The following PTPRJ variants were observed in gnomAD, a reference collection of about 807,000 sequenced individuals.
PTPRJ encodes protein tyrosine phosphatase receptor type J, also known as receptor-type tyrosine-protein phosphatase eta.
PTPRJ carries 129 observed loss-of-function variants against 141.3 expected under a neutral mutation model. That is an observed-to-expected ratio of 0.91 (90% CI 0.79 to 1.06). The LOEUF is 1.06. Ranked by LOEUF, PTPRJ falls within the 50% of genes least tolerant of loss-of-function variation. The pLI is 0.00. For missense variants in PTPRJ, 1,601 were observed against 1,679.7 expected (o/e 0.95, Z 0.82); for synonymous variants, 610 against 640.5 (o/e 0.95, Z 0.72).
intron 7 of PTPRJ, among the ~76,000 whole-genome samples, chr11:48,129,809 C>T (rs968171484): frequency 2.0e-5 from 3 of 152,040 alleles, no homozygotes; most frequent in East Asian, 1.9e-4. Flanking sequence ...AGCCAGGCAG[C>T]GTGAGCTCCA....
At chr11:47,996,177 C>G (rs1447092871) in intron 1 of PTPRJ, among the ~76,000 whole-genome samples, 6 of 148,974 alleles carry the variant, frequency 4.0e-5, no homozygotes, top group Non-Finnish European at 4.5e-5. Context: ...ACTAAAAATA[C>G]AAAAAAAATT....
chr11:48,137,416 T>C, intron 10 of PTPRJ, 135 bp downstream of exon 10: 1 of 927,808 alleles, frequency 1.1e-6, no homozygotes, highest in Non-Finnish European at 1.6e-6. Context: ...CGAGGCATCC[T>C]GTTAGCTTAT....
chr11:48,049,734 A>G, intron 1 of PTPRJ, among the ~76,000 whole-genome samples: 2 of 151,172 alleles, frequency 1.3e-5, no homozygotes, highest in East Asian at 3.9e-4. Context: ...AAAAAAAAAA[A>G]GAATTGGTAC....
chr11:48,009,432 C>G (rs566670255), intron 1 of PTPRJ, among the ~76,000 whole-genome samples: 2 of 152,202 alleles, frequency 1.3e-5, no homozygotes, highest in Non-Finnish European at 2.9e-5. Flanking sequence ...CCCATCTCTA[C>G]TAAAAATACA....
Position 48,045,660 on chromosome 11 carries a change from G to T in PTPRJ, c.97-64398G>T, listed in dbSNP as rs58321258. ...GGCAGTGATGGGTGGAAGGGAGCTG[G>T]TGCAGTATTCGAGTAGAGAAGTTCT... is the stretch of plus-strand genomic sequence containing the variant. On this transcript the variant is annotated intron_variant, in intron 1 of 24. Transcript: ENST00000418331. 1.9e-3 allele frequency among the ~76,000 whole-genome samples: 288 copies of T among 152,294 alleles called. 2 individuals are homozygous for T. The highest frequency in any genetic ancestry group is 6.6e-3 in the African/African-American group (273 of 41,560).
chr11:48,146,639 C>T (rs147973281), intron 14 of PTPRJ, among the ~76,000 whole-genome samples: 44 of 152,248 alleles, frequency 2.9e-4, no homozygotes, highest in African/African-American at 9.9e-4. Context: ...TCAAGACCAT[C>T]CAGGTAGTAG....
At chr11:48,046,912 A>ATTTTTT (rs1217187387) in intron 1 of PTPRJ, among the ~76,000 whole-genome samples, 4 of 74,166 alleles carry the variant, frequency 5.4e-5, no homozygotes, top group African/African-American at 2.9e-4. Flanking sequence ...ATATATATAT[A>ATTTTTT]TTTTTTTTTT....
intron 1 of PTPRJ, among the ~76,000 whole-genome samples, chr11:48,067,097 G>C (rs1162041770): frequency 1.3e-5 from 2 of 152,316 alleles, no homozygotes; most frequent in Non-Finnish European, 1.5e-5. Context: ...GGGGAATACA[G>C]AAAAGAAGGA....
chr11:48,156,866 C>T (rs1053917810), intron 21 of PTPRJ, among the ~76,000 whole-genome samples: 8 of 151,560 alleles, frequency 5.3e-5, no homozygotes, highest in South Asian at 2.1e-4. Flanking sequence ...GGATTTCAGG[C>T]GTGAGCCATC....
At chr11:48,051,321 C>T (rs1326940378) in intron 1 of PTPRJ, among the ~76,000 whole-genome samples, 3 of 152,048 alleles carry the variant, frequency 2.0e-5, no homozygotes, top group Non-Finnish European at 2.9e-5. Flanking sequence ...TGTCGAACTC[C>T]TGGGCCCAAG....
chr11:48,112,309 A>G (rs1233065804), intron 2 of PTPRJ, among the ~76,000 whole-genome samples: 1 of 152,180 alleles, frequency 6.6e-6, no homozygotes, highest in Non-Finnish European at 1.5e-5. Context: ...AGGGCCAAAA[A>G]TCTCCAGGAG....
chr11:48,007,345 G>A (rs761745620), intron 1 of PTPRJ, among the ~76,000 whole-genome samples: 1 of 151,376 alleles, frequency 6.6e-6, no homozygotes, highest in African/African-American at 2.4e-5. Context: ...TCCTGACGTC[G>A]TGATCCGCCC....
Position 48,144,681 on chromosome 11 carries a change from A to G in PTPRJ, c.2582A>G (p.His861Arg), listed in dbSNP as rs1265678411. ...TTCTGTGTACCTTTCTTAGCTGGTC[A>G]CCCTTCTGCAGATGTCCTGAAATAC... The part of the protein sequence containing the change: ...AVILTTGEAG[H>R]PSADVLKYTY... The change falls in exon 13 of 25, where the codon CAC (histidine) becomes CGC (arginine). Residue 861 changes from histidine to arginine, a missense_variant. Coordinates refer to ENST00000418331, the MANE Select transcript of PTPRJ (RefSeq NM_002843.4). 6.2e-7 allele frequency: 1 copy of G among 1,613,354 alleles called. No homozygotes were observed. The highest frequency in any genetic ancestry group is 1.7e-5 in the Admixed American group (1 of 59,996).
At chr11:48,018,678 C>T (rs1055695764) in intron 1 of PTPRJ, among the ~76,000 whole-genome samples, 2 of 152,096 alleles carry the variant, frequency 1.3e-5, no homozygotes, top group Non-Finnish European at 2.9e-5. Context: ...GGGGGAGGGG[C>T]GTCGGGGCCC....
In PTPRJ at chr11:47,980,962, T is replaced by TG; in HGVS notation, c.51dup (p.Arg18AlafsTer24). On this transcript the variant is annotated frameshift_variant, in exon 1 of 25. Coordinates refer to ENST00000418331, the MANE Select transcript of PTPRJ (RefSeq NM_002843.4). LOFTEE classifies it high-confidence loss of function. ...CGGCTGCCTCCGCGCTCGCCCGGGCTGCGCTGGGCGCTGCCGCTGCTGCTG... is the reference window on the plus strand; with the variant it reads ...CGGCTGCCTCCGCGCTCGCCCGGGCTGGCGCTGGGCGCTGCCGCTGCTGCTG... 8.6e-7 allele frequency: 1 copy of TG among 1,158,488 alleles called. No homozygotes were observed. The highest frequency in any genetic ancestry group is 1.1e-6 in the Non-Finnish European group (1 of 943,674). 71.8% of individuals were successfully genotyped at this position (1,158,488 alleles called of 1,614,324 possible).
chr11:48,166,774 C>T (rs943292022), intron 24 of PTPRJ, among the ~76,000 whole-genome samples: 1 of 152,186 alleles, frequency 6.6e-6, no homozygotes, highest in African/African-American at 2.4e-5. Flanking sequence ...TCATCCAGCT[C>T]CACCTGATCA....
intron 1 of PTPRJ, among the ~76,000 whole-genome samples, chr11:48,041,962 C>G (rs1854281270): frequency 8.9e-6 from 1 of 111,950 alleles, no homozygotes; most frequent in Non-Finnish European, 1.7e-5. Context: ...GGAAGGTTCC[C>G]AGTTGTCCAA....
At chr11:48,000,557 G>A (rs1854468002) in intron 1 of PTPRJ, among the ~76,000 whole-genome samples, 1 of 151,950 alleles carries the variant, frequency 6.6e-6, no homozygotes, top group African/African-American at 2.4e-5. Flanking sequence ...CTGAACCTTA[G>A]ATCAGGATGA....
At chr11:48,078,908 A>T (rs530168617) in intron 1 of PTPRJ, among the ~76,000 whole-genome samples, 17 of 149,464 alleles carry the variant, frequency 1.1e-4, no homozygotes, top group African/African-American at 4.2e-4. Context: ...TGCAGAGACC[A>T]TATGGCCTGC....
Sources: allele counts gnomAD v4.1 joint callset (sites outside exome capture counted in the v4.1 genomes callset), GRCh38; gene constraint gnomAD v4.1.1; transcripts MANE v1.5; gene names NCBI Gene and HGNC (gene_info 2026-07-23, HGNC 2026-07-21).